PDE11A: variants seen among roughly 807,000 people sequenced by gnomAD.
PDE11A encodes the protein phosphodiesterase 11A.
PDE11A carries 100 observed loss-of-function variants against 100.5 expected under a neutral mutation model. That is an observed-to-expected ratio of 1.00 (90% CI 0.85 to 1.18). The LOEUF is 1.18. Ranked by LOEUF, PDE11A falls within the 50% of genes most tolerant of loss-of-function variation. The pLI is 0.00. For missense variants in PDE11A, 1,141 were observed against 1,152.6 expected, an observed-to-expected ratio of 0.99 and a Z score of 0.15; for synonymous variants, 381 against 420.8, an observed-to-expected ratio of 0.91 and a Z score of 1.16.
intron 1 of PDE11A, among the ~76,000 whole-genome samples, chr2:178,047,040 ATT>A (rs200317102): frequency 7.6e-5 from 11 of 144,142 alleles, no homozygotes; most frequent in Non-Finnish European, 7.6e-5. Flanking sequence ...ACTTTCTGGG[ATT>A]TTTTTTTTTT....
chr2:177,969,325 G>T (rs55804196), intron 2 of PDE11A, among the ~76,000 whole-genome samples: 85,421 of 151,888 alleles, frequency 0.56, 26,693 homozygotes, highest in African/African-American at 0.84. Flanking sequence ...ATGTGGGGCT[G>T]AAAACCTAGA....
chr2:178,038,400 G>A (rs2086643343), intron 1 of PDE11A, among the ~76,000 whole-genome samples: 1 of 150,918 alleles, frequency 6.6e-6, no homozygotes, highest in South Asian at 2.1e-4. Flanking sequence ...ATTCTTGTCT[G>A]ACTTCTTTCA....
intron 9 of PDE11A, among the ~76,000 whole-genome samples, chr2:177,772,231 G>T (rs1367889230): frequency 6.6e-6 from 1 of 151,894 alleles, no homozygotes; most frequent in Non-Finnish European, 1.5e-5. Flanking sequence ...TATGAGGTTT[G>T]GTTATTAAAA....
At position 177,706,594 on chromosome 2, in the gene PDE11A, G is replaced by A. The variant is rs570798034; in HGVS notation, c.2153+5175C>T. ...TAAAAAGCCTCTTTCAGCATTCATCGTCAAGGGAAATCTTAACGGAGGTTG... is the reference window on the plus strand; with the variant it reads ...TAAAAAGCCTCTTTCAGCATTCATCATCAAGGGAAATCTTAACGGAGGTTG... On this transcript the variant is annotated intron_variant, in intron 13 of 19. Transcript: ENST00000286063. Among the ~76,000 whole-genome samples the A allele has an allele frequency of 8.5e-5, 13 of 152,278 alleles. No homozygotes were observed. The South Asian group carries it at 2.3e-3, about 27-fold the overall frequency.
intron 15 of PDE11A, among the ~76,000 whole-genome samples, chr2:177,692,898 A>G (rs781609508): frequency 3.3e-5 from 5 of 152,042 alleles, no homozygotes; most frequent in Non-Finnish European, 5.9e-5. Context: ...TTTTCCTTTT[A>G]GAGCATGGCA....
intron 10 of PDE11A, among the ~76,000 whole-genome samples, chr2:177,755,375 C>T (rs2082077409): frequency 6.6e-6 from 1 of 152,132 alleles, no homozygotes; most frequent in Non-Finnish European, 1.5e-5. Context: ...TGGGTGTCAC[C>T]CAGTTTCTAG....
At chr2:177,709,822 G>T (rs1184186960) in intron 13 of PDE11A, among the ~76,000 whole-genome samples, 2 of 152,150 alleles carry the variant, frequency 1.3e-5, no homozygotes, top group African/African-American at 4.8e-5. Flanking sequence ...TATTATGAAA[G>T]AAGGACAACG....
At chr2:178,051,343 G>C (rs1457315238) in intron 1 of PDE11A, among the ~76,000 whole-genome samples, 1 of 152,146 alleles carries the variant, frequency 6.6e-6, no homozygotes, top group Non-Finnish European at 1.5e-5. Flanking sequence ...CCTTACAAGA[G>C]CTCCTGAAGG....
chr2:177,817,449 A>C (rs998239550), intron 8 of PDE11A, among the ~76,000 whole-genome samples: 2 of 152,218 alleles, frequency 1.3e-5, no homozygotes, highest in Non-Finnish European at 2.9e-5. Flanking sequence ...GAGGAAGCCC[A>C]TTCAAGGCTA....
At chr2:177,659,795 C>CCA (rs374128137) in intron 19 of PDE11A, among the ~76,000 whole-genome samples, 5,383 of 151,912 alleles carry the variant, frequency 0.035, 313 homozygotes, top group African/African-American at 0.12. Flanking sequence ...TTTTTTTCCC[C>CCA]CTCCAAAGAC....
chr2:178,032,330 G>A (rs2086558905), intron 1 of PDE11A, among the ~76,000 whole-genome samples: 1 of 151,970 alleles, frequency 6.6e-6, no homozygotes, highest in Non-Finnish European at 1.5e-5. Flanking sequence ...TTAAAATTAA[G>A]AGCTTGGGCT....
intron 2 of PDE11A, among the ~76,000 whole-genome samples, chr2:177,912,576 G>A (rs2084897735): frequency 6.6e-6 from 1 of 152,052 alleles, no homozygotes; most frequent in Non-Finnish European, 1.5e-5. Context: ...CATGTCTGGG[G>A]GCAGTTTTTA....
Position 177,663,966 on chromosome 2 carries a change from GA to G in PDE11A, c.2563-18del. On this transcript the variant is annotated intron_variant, in intron 18 of 19. Transcript: ENST00000286063. ...AAAAATTGCCTAGAATGGGGGGCAG[GA>G]AGAACCTCGCTTTATTACACCAAAG... 1 of 1,537,568 alleles carries G rather than the reference GA, an allele frequency of 6.5e-7. No homozygotes were observed. Among genetic ancestry groups the G allele is most frequent in the Non-Finnish European group, 9.0e-7 (1 of 1,110,566 alleles).
intron 5 of PDE11A, among the ~76,000 whole-genome samples, chr2:177,856,898 T>G (rs1478508822): frequency 6.6e-6 from 1 of 151,998 alleles, no homozygotes; most frequent in Admixed American, 6.6e-5. Flanking sequence ...AAATAATGGT[T>G]GAAAACTTCC....
chr2:177,706,036 C>T (rs1317918621), intron 13 of PDE11A, among the ~76,000 whole-genome samples: 1 of 152,218 alleles, frequency 6.6e-6, no homozygotes, highest in African/African-American at 2.4e-5. Context: ...TTTCAAAGCA[C>T]TGTGGTATTG....
At chr2:177,774,270 T>A (rs2082349658) in intron 9 of PDE11A, among the ~76,000 whole-genome samples, 1 of 152,218 alleles carries the variant, frequency 6.6e-6, no homozygotes, top group Non-Finnish European at 1.5e-5. Context: ...TGTGGTCACA[T>A]AGGACTTTTC....
At chr2:177,884,765 C>G (rs1183372741) in intron 4 of PDE11A, among the ~76,000 whole-genome samples, 3 of 152,042 alleles carry the variant, frequency 2.0e-5, no homozygotes, top group African/African-American at 7.2e-5. Flanking sequence ...AGAAATGAGT[C>G]AGGAGAAAAA....
intron 10 of PDE11A, among the ~76,000 whole-genome samples, chr2:177,763,154 G>A (rs2082193097): frequency 6.6e-6 from 1 of 152,138 alleles, no homozygotes; most frequent in South Asian, 2.1e-4. Flanking sequence ...TTGTGAGCAG[G>A]AGATGCCCTT....
intron 9 of PDE11A, among the ~76,000 whole-genome samples, chr2:177,807,445 C>T (rs550645795): frequency 2.7e-4 from 40 of 146,248 alleles, no homozygotes; most frequent in African/African-American, 7.8e-4. Flanking sequence ...TTTTTTGAGA[C>T]GGGGCTTGCT....
Sources: allele counts gnomAD v4.1 joint callset (sites outside exome capture counted in the v4.1 genomes callset), GRCh38; gene constraint gnomAD v4.1.1; transcripts MANE v1.5; gene names NCBI Gene and HGNC (gene_info 2026-07-23, HGNC 2026-07-21).